MYO9A: variants seen among roughly 807,000 people sequenced by gnomAD.
MYO9A encodes unconventional myosin-IXa.
A neutral mutation model predicts 293.3 loss-of-function variants in MYO9A; 103 were observed. That is an observed-to-expected ratio of 0.35 (90% CI 0.30 to 0.41). The LOEUF (loss-of-function observed/expected upper bound fraction) is 0.41, where lower values mean the gene tolerates loss of function less well. Ranked by LOEUF, MYO9A falls within the 10% of genes least tolerant of loss-of-function variation. The pLI, the probability that MYO9A is intolerant of heterozygous loss-of-function variation, is 1.00. For synonymous variants in MYO9A, 1,001 were observed against 1,035.7 expected, an observed-to-expected ratio of 0.97 and a Z score of 0.64; for missense variants, 2,685 against 3,033.0, an observed-to-expected ratio of 0.89 and a Z score of 2.69.
intron 5 of MYO9A, among the ~76,000 whole-genome samples, chr15:72,020,501 G>A (rs868222248): frequency 1.3e-5 from 2 of 152,140 alleles, no homozygotes; most frequent in African/African-American, 2.4e-5. Flanking sequence ...ATGCAAAGAC[G>A]TATGTGTATG....
intron 11 of MYO9A, among the ~76,000 whole-genome samples, chr15:71,985,262 A>G (rs2076381076): frequency 6.6e-6 from 1 of 151,888 alleles, no homozygotes; most frequent in Non-Finnish European, 1.5e-5. Flanking sequence ...GCCTCCATGT[A>G]TGTCTTTATG....
chr15:72,076,452 C>T (rs2079354703), intron 1 of MYO9A, among the ~76,000 whole-genome samples: 1 of 151,990 alleles, frequency 6.6e-6, no homozygotes, highest in African/African-American at 2.4e-5. Context: ...AAATATATTT[C>T]TAAATACTCC....
At chr15:71,917,344 G>C (rs768587454) in intron 18 of MYO9A, among the ~76,000 whole-genome samples, 1 of 152,040 alleles carries the variant, frequency 6.6e-6, no homozygotes, top group Non-Finnish European at 1.5e-5. Context: ...ACATCAGCCT[G>C]GCTAACACAG....
intron 19 of MYO9A, among the ~76,000 whole-genome samples, chr15:71,908,116 T>G (rs2057721935): frequency 1.3e-5 from 2 of 152,264 alleles, no homozygotes; most frequent in Non-Finnish European, 2.9e-5. Flanking sequence ...TGAAATGATT[T>G]TTGTATAAGG....
chr15:72,086,868 A>G (rs1317065963), intron 1 of MYO9A, among the ~76,000 whole-genome samples: 1 of 151,982 alleles, frequency 6.6e-6, no homozygotes, highest in Non-Finnish European at 1.5e-5. Flanking sequence ...CCCAGGTTCA[A>G]GCGATTCTCC....
intron 19 of MYO9A, among the ~76,000 whole-genome samples, chr15:71,912,272 T>C (rs977845625): frequency 4.6e-5 from 7 of 152,146 alleles, no homozygotes; most frequent in Non-Finnish European, 8.8e-5. Context: ...TTTTTTTTTT[T>C]CTTGAGACAG....
intron 39 of MYO9A, chr15:71,847,397 T>C (rs1217833593): frequency 4.5e-6 from 2 of 448,102 alleles, no homozygotes; most frequent in African/African-American, 4.0e-5. Flanking sequence ...TGTGACACAT[T>C]GCATTATTAA....
chr15:72,081,209 T>G (rs1279230699), intron 1 of MYO9A, among the ~76,000 whole-genome samples: 1 of 152,170 alleles, frequency 6.6e-6, no homozygotes, highest in African/African-American at 2.4e-5. Flanking sequence ...CCTTTTTCTC[T>G]GCAACCCCGC....
chr15:71,912,067 C>A (rs781201508), intron 19 of MYO9A, among the ~76,000 whole-genome samples: 1 of 151,996 alleles, frequency 6.6e-6, no homozygotes, highest in African/African-American at 2.4e-5. Flanking sequence ...CTAGGATTTG[C>A]ACCTTTTATC....
At chr15:71,905,788 A>AAAAAT (rs2057617200) in intron 19 of MYO9A, among the ~76,000 whole-genome samples, 1 of 149,598 alleles carries the variant, frequency 6.7e-6, no homozygotes, top group Non-Finnish European at 1.5e-5. Context: ...AAAAAAAAAA[A>AAAAAT]TTTGGATCTG....
chr15:71,997,285 A>G (rs1359888940), intron 9 of MYO9A, among the ~76,000 whole-genome samples: 1 of 152,144 alleles, frequency 6.6e-6, no homozygotes, highest in Non-Finnish European at 1.5e-5. Context: ...CTCGGCACAA[A>G]AATAGAGTTT....
At chr15:71,988,534 T>C (rs1223686669) in intron 11 of MYO9A, among the ~76,000 whole-genome samples, 1 of 152,220 alleles carries the variant, frequency 6.6e-6, no homozygotes, top group Admixed American at 6.5e-5. Flanking sequence ...TTCATCAAGT[T>C]GGCCAGGACT....
At chr15:72,091,860 G>A (rs953806696) in intron 1 of MYO9A, among the ~76,000 whole-genome samples, 1 of 151,746 alleles carries the variant, frequency 6.6e-6, no homozygotes, top group Non-Finnish European at 1.5e-5. Context: ...GACTACAGGT[G>A]CCCGCCACCA....
At chr15:72,093,146 A>C (rs2079969530) in intron 1 of MYO9A, among the ~76,000 whole-genome samples, 1 of 152,264 alleles carries the variant, frequency 6.6e-6, no homozygotes. Context: ...GATCACATAG[A>C]GAATATAAAA....
chr15:71,985,216 G>A (rs564394289), intron 11 of MYO9A, among the ~76,000 whole-genome samples: 16 of 152,116 alleles, frequency 1.1e-4, no homozygotes, highest in African/African-American at 3.9e-4. Flanking sequence ...CACCATGCCC[G>A]GCCACATTTC....
At chr15:71,998,052 C>T (rs1028908244) in intron 9 of MYO9A, among the ~76,000 whole-genome samples, 3 of 152,224 alleles carry the variant, frequency 2.0e-5, no homozygotes, top group African/African-American at 4.8e-5. Flanking sequence ...TTCACAATAG[C>T]AAAGACATGG....
At chr15:72,027,892 G>T (rs1441550905) in intron 3 of MYO9A, 99 bp from the exon 4 acceptor site, 3 of 880,134 alleles carry the variant, frequency 3.4e-6, no homozygotes, top group African/African-American at 3.5e-5. Context: ...ATACTATCCA[G>T]ATCATTTCAA....
intron 12 of MYO9A, among the ~76,000 whole-genome samples, chr15:71,972,491 T>G (rs965359575): frequency 1.3e-5 from 2 of 152,146 alleles, no homozygotes; most frequent in East Asian, 3.9e-4. Flanking sequence ...GGTGCAGTTT[T>G]GGGGACTGAG....
chr15:71,984,698 T>C (rs2076365380), intron 11 of MYO9A, among the ~76,000 whole-genome samples: 1 of 152,248 alleles, frequency 6.6e-6, no homozygotes, highest in African/African-American at 2.4e-5. Context: ...AACCTGTATC[T>C]TACTATTAAA....
Sources: gnomAD v4.1 joint callset for allele counts (sites outside exome capture counted in the v4.1 genomes callset) on GRCh38, gnomAD v4.1.1 for gene constraint, MANE v1.5 for transcripts, NCBI Gene and HGNC (gene_info 2026-07-23, HGNC 2026-07-21) for gene names.